Variants in ADAMTS18 observed in about 807,000 individuals in gnomAD.
ADAMTS18 encodes ADAM metallopeptidase with thrombospondin type 1 motif 18, also known as A disintegrin and metalloproteinase with thrombospondin motifs 18.
A neutral mutation model predicts 165.9 loss-of-function variants in ADAMTS18; 157 were observed. That is an observed-to-expected ratio of 0.95 (90% confidence interval 0.83 to 1.08). The LOEUF (loss-of-function observed/expected upper bound fraction) is 1.08. Among genes scored for constraint, ADAMTS18 ranks in the 50% least tolerant of loss-of-function variants. The pLI, the probability that ADAMTS18 is intolerant of heterozygous loss-of-function variation, is 0.00. For missense variants in ADAMTS18, 2,040 were observed against 1,534.0 expected (o/e 1.33, Z -5.51); for synonymous variants, 782 against 578.2 (o/e 1.35, Z -5.06).
At chr16:77,320,294 G>C (rs2055972029) in intron 15 of ADAMTS18, among the ~76,000 whole-genome samples, 1 of 152,120 alleles carries the variant, frequency 6.6e-6, no homozygotes. Flanking sequence ...AATGTATGTG[G>C]CTTCCCAAAG....
chr16:77,384,087 T>C (rs1485603576), intron 3 of ADAMTS18, among the ~76,000 whole-genome samples: 1 of 152,156 alleles, frequency 6.6e-6, no homozygotes, highest in Non-Finnish European at 1.5e-5. Flanking sequence ...TTCTGCCGAC[T>C]TCCCTATGTC....
intron 10 of ADAMTS18, among the ~76,000 whole-genome samples, chr16:77,345,835 G>C (rs1371000791): frequency 4.6e-5 from 7 of 152,170 alleles, no homozygotes; most frequent in Non-Finnish European, 1.0e-4. Context: ...CTCAGTGTCA[G>C]TCAGCTCATG....
At chr16:77,362,389 C>T in intron 6 of ADAMTS18, 125 bp from the exon 7 acceptor site, 2 of 1,062,376 alleles carry the variant, frequency 1.9e-6, no homozygotes, top group Non-Finnish European at 2.8e-6. Context: ...AACACTTGAG[C>T]TAAGGTAGGA....
chr16:77,372,550 T>G (rs1447740261), intron 3 of ADAMTS18, among the ~76,000 whole-genome samples: 1 of 152,234 alleles, frequency 6.6e-6, no homozygotes, highest in Non-Finnish European at 1.5e-5. Flanking sequence ...AAGCACATGC[T>G]GGGCACCTGA....
chr16:77,286,923 G>T (rs2055264610), intron 22 of ADAMTS18, among the ~76,000 whole-genome samples: 1 of 152,168 alleles, frequency 6.6e-6, no homozygotes, highest in Non-Finnish European at 1.5e-5. Flanking sequence ...CCAAGGTGGA[G>T]ATCCAACCAA....
At chr16:77,396,837 C>T (rs1408656730) in intron 3 of ADAMTS18, among the ~76,000 whole-genome samples, 2 of 150,440 alleles carry the variant, frequency 1.3e-5, no homozygotes, top group Non-Finnish European at 2.9e-5. Context: ...GACACAGTCT[C>T]ACCCTGTCTC....
intron 16 of ADAMTS18, among the ~76,000 whole-genome samples, chr16:77,309,845 G>T (rs1402115182): frequency 1.3e-5 from 2 of 152,190 alleles, no homozygotes; most frequent in African/African-American, 4.8e-5. Context: ...AGTCCACTGT[G>T]AACTAACTGG....
intron 13 of ADAMTS18, 130 bp from the exon 14 acceptor site, chr16:77,322,596 C>T: frequency 2.6e-6 from 3 of 1,153,886 alleles, no homozygotes; most frequent in South Asian, 2.6e-5. Flanking sequence ...TGTGTGTTTG[C>T]ACATATAAGC....
intron 22 of ADAMTS18, among the ~76,000 whole-genome samples, chr16:77,288,399 A>ATTTATT (rs138894872): frequency 1.3e-5 from 2 of 149,626 alleles, no homozygotes; most frequent in African/African-American, 4.9e-5. Flanking sequence ...CTACAGAGCT[A>ATTTATT]TTTTTTTTTT....
At chr16:77,353,135 T>G (rs1247519634) in intron 10 of ADAMTS18, among the ~76,000 whole-genome samples, 1 of 152,178 alleles carries the variant, frequency 6.6e-6, no homozygotes, top group Non-Finnish European at 1.5e-5. Context: ...AAAGTTGAGA[T>G]TGTAATACTG....
intron 16 of ADAMTS18, among the ~76,000 whole-genome samples, chr16:77,302,330 C>T (rs1438033055): frequency 6.6e-6 from 1 of 152,076 alleles, no homozygotes; most frequent in South Asian, 2.1e-4. Context: ...AAATGTAGCA[C>T]TTATTTTGCC....
At chr16:77,416,817 A>G (rs1322854951) in intron 3 of ADAMTS18, among the ~76,000 whole-genome samples, 2 of 152,296 alleles carry the variant, frequency 1.3e-5, no homozygotes, top group South Asian at 4.2e-4. Flanking sequence ...AAGAGATGAA[A>G]GAGTCATTAG....
intron 22 of ADAMTS18, among the ~76,000 whole-genome samples, chr16:77,287,965 G>A (rs2055287786): frequency 6.6e-6 from 1 of 152,110 alleles, no homozygotes; most frequent in Non-Finnish European, 1.5e-5. Flanking sequence ...GAAGAGTGCT[G>A]GAGGTATATA....
chr16:77,381,491 T>C (rs2057029635), intron 3 of ADAMTS18, among the ~76,000 whole-genome samples: 1 of 152,126 alleles, frequency 6.6e-6, no homozygotes, highest in Admixed American at 6.5e-5. Flanking sequence ...AAGTGAGTGC[T>C]GAGGTTAAGT....
At chr16:77,321,265 T>C in intron 14 of ADAMTS18, 63 bp from the exon 15 acceptor site, 1 of 1,601,288 alleles carries the variant, frequency 6.2e-7, no homozygotes, top group Non-Finnish European at 8.5e-7. Context: ...CTGGGAATAA[T>C]TAAGAGGTAT....
At chr16:77,420,942 G>T (rs1465325517) in intron 3 of ADAMTS18, among the ~76,000 whole-genome samples, 1 of 152,156 alleles carries the variant, frequency 6.6e-6, no homozygotes, top group East Asian at 1.9e-4. Flanking sequence ...ACACTAAAAA[G>T]TACTCTGTTA....
rs1216154741 is a variant in ADAMTS18, at chr16:77,434,406, G to T, written c.178+12C>A. 1 of 1,564,662 alleles carries T rather than the reference G, an allele frequency of 6.4e-7. No individual in the cohort carries two copies. Among genetic ancestry groups the T allele is most frequent in the East Asian group, 2.3e-5 (1 of 43,440 alleles). The stretch of plus-strand genomic sequence containing the variant: ...GAAAGGCCCTTCTTGGGGATGGGGG[G>T]CAAATACGAACCATCATTTAATCCG... On this transcript the variant is annotated intron_variant, in intron 2 of 22. Transcript: ENST00000282849.
At chr16:77,330,742 T>G (rs1415750126) in intron 12 of ADAMTS18, among the ~76,000 whole-genome samples, 1 of 152,104 alleles carries the variant, frequency 6.6e-6, no homozygotes, top group South Asian at 2.1e-4. Context: ...AACTGGTAAA[T>G]CTATGAATCA....
At chr16:77,298,495 C>A (rs948317820) in intron 17 of ADAMTS18, among the ~76,000 whole-genome samples, 11 of 152,186 alleles carry the variant, frequency 7.2e-5, no homozygotes, top group African/African-American at 2.4e-4. Context: ...GAGGCACTTA[C>A]GAAAACCACA....
Sources: gnomAD v4.1 joint callset for allele counts (sites outside exome capture counted in the v4.1 genomes callset) on GRCh38, gnomAD v4.1.1 for gene constraint, MANE v1.5 for transcripts, NCBI Gene and HGNC (gene_info 2026-07-23, HGNC 2026-07-21) for gene names.